Variants in ANK1 observed in about 807,000 individuals in gnomAD.
The protein encoded by ANK1 is ankyrin-1.
A neutral mutation model predicts 210.4 loss-of-function variants in ANK1; 51 were observed. The observed-to-expected ratio is 0.24, with a 90% confidence interval of 0.19 to 0.31. The LOEUF is 0.31. ANK1 is among the 10% of genes least tolerant of loss of function. The probability of loss-of-function intolerance (pLI) is 1.00; values close to 1 mark genes in which losing one functional copy is unlikely to be tolerated. For missense variants in ANK1, 2,051 were observed against 2,504.4 expected (o/e 0.82, Z 3.86); for synonymous variants, 967 against 1,025.9 (o/e 0.94, Z 1.10).
At position 41,704,535 on chromosome 8, in the gene ANK1, TC is replaced by T; in HGVS notation, c.2098-64del. 1 of 1,415,490 alleles carries T rather than the reference TC, an allele frequency of 7.1e-7. No homozygotes were observed. Among genetic ancestry groups the T allele is most frequent in the Non-Finnish European group, 1.0e-6 (1 of 1,000,248 alleles). 87.7% of individuals were successfully genotyped at this position (1,415,490 alleles called of 1,614,324 possible). A position where few individuals can be genotyped will look rare whatever the true frequency, so the allele number is the denominator to read the frequency against. ...TGAGCTGGGCATCACATGAAATCCTTCCCAAAGCAGCTGATTCAAAGAGAGA... is the reference window on the plus strand; with the variant it reads ...TGAGCTGGGCATCACATGAAATCCTTCCAAAGCAGCTGATTCAAAGAGAGA... On this transcript the variant is annotated intron_variant, in intron 18 of 42. Coordinates refer to ENST00000289734, the MANE Select transcript of ANK1 (RefSeq NM_000037.4). The surrounding 1 kb of genome is among the most constrained non-coding windows in gnomAD (Gnocchi z 4.1).
At position 41,661,908 on chromosome 8, in the gene ANK1, A is replaced by G. The variant is rs775178424; in HGVS notation, c.5512T>C (p.Ser1838Pro). The stretch of plus-strand genomic sequence containing the variant: ...TGCTCCTGGGCGGCATCGGCGCTGG[A>G]CAAGTCTATCTGTCGAACCACCTTG... ...IRKVVRQIDLSSADAAQEHEE... is the reference protein window; with the variant it reads ...IRKVVRQIDLPSADAAQEHEE... The change falls in exon 41 of 43, where the codon TCC becomes CCC. Residue 1838 changes from serine to proline, a missense_variant. Around this residue, in one of 6 missense-constraint regions of ANK1, gnomAD observed 496 missense variants for 533.4 expected, o/e 0.93. Transcript: ENST00000289734. The G allele has an allele frequency of 2.5e-5, 40 of 1,613,918 alleles. 1 individual carries two copies. Among genetic ancestry groups the G allele is most frequent in the Non-Finnish European group, 2.5e-5 (29 of 1,180,004 alleles).
chr8:41,686,144 G>A lies in ANK1; in HGVS notation c.4390+8C>T. 6.2e-7 allele frequency: 1 copy of A among 1,614,212 alleles called. No individual in the cohort carries two copies. The highest frequency in any genetic ancestry group is 1.3e-5 in the African/African-American group (1 of 75,056). ...TAGGACAGGCTTCCTCAGTGGGACGGTACTGACTGTTTGCGTTTTGGCCTT... is the reference window on the plus strand; with the variant it reads ...TAGGACAGGCTTCCTCAGTGGGACGATACTGACTGTTTGCGTTTTGGCCTT... On this transcript the variant is annotated splice_region_variant and intron_variant, in intron 36 of 42. Transcript: ENST00000289734.
chr8:41,817,844 G>C (rs764304559), intron 1 of ANK1, among the ~76,000 whole-genome samples: 18 of 152,310 alleles, frequency 1.2e-4, no homozygotes, highest in Middle Eastern at 3.4e-3. Context: ...TCTCCAAAGA[G>C]AGACAAAAAA....
In ANK1 at chr8:41,668,316, T is replaced by C. The variant is rs764226402; in HGVS notation, c.5345A>G (p.Gln1782Arg). 2 of 1,614,204 alleles carry C rather than the reference T, an allele frequency of 1.2e-6. No individual in the cohort carries two copies. Among genetic ancestry groups the C allele is most frequent in the South Asian group, 2.2e-5 (2 of 91,080 alleles). Residue 1782 changes from glutamine to arginine, a missense_variant, in exon 39 of 43, where the codon CAA becomes CGA. Physicochemically the swap from Gln to Arg is conservative, Grantham distance 43. Coordinates refer to ENST00000289734, the MANE Select transcript of ANK1 (RefSeq NM_000037.4). ...QADRDRRQQG[Q>R]EEQVQEAKNT... Reference sequence around the variant, plus strand: ...CTTGGCCTCCTGCACCTGCTCTTCTTGGCCTTGCTGCCTCCGGTCCCTGTC... The same window carrying C: ...CTTGGCCTCCTGCACCTGCTCTTCTCGGCCTTGCTGCCTCCGGTCCCTGTC...
chr8:41,708,490 G>A (rs548011773), intron 17 of ANK1, among the ~76,000 whole-genome samples: 2 of 152,298 alleles, frequency 1.3e-5, no homozygotes, highest in South Asian at 2.1e-4. Context: ...AGTTTATTAT[G>A]GATTTTAATA....
At chr8:41,862,201 C>CTA (rs1362438122) in intron 1 of ANK1, among the ~76,000 whole-genome samples, 1 of 152,216 alleles carries the variant, frequency 6.6e-6, no homozygotes, top group East Asian at 1.9e-4. Context: ...CATGAACTGC[C>CTA]TAGTCCAGGG....
At chr8:41,824,273 G>A (rs1804973829) in intron 1 of ANK1, among the ~76,000 whole-genome samples, 1 of 152,032 alleles carries the variant, frequency 6.6e-6, no homozygotes, top group South Asian at 2.1e-4. Flanking sequence ...CCCTTTTTCA[G>A]TATTTTTAAA....
chr8:41,884,237 A>AC (rs1475514021), intron 1 of ANK1, among the ~76,000 whole-genome samples: 2 of 152,188 alleles, frequency 1.3e-5, no homozygotes, highest in African/African-American at 4.8e-5. Context: ...AATCCCAGCT[A>AC]CTTGGGAGGA....
rs764038924 is a variant in ANK1 at position 41,684,668 on chromosome 8, C to T, written c.4413G>A (p.Leu1471=). The T allele has an allele frequency of 8.7e-6, 14 of 1,613,756 alleles. No homozygotes were observed. The Admixed American group carries it at 1.7e-4, about 19-fold the overall frequency. Residue 1471 remains leucine, a synonymous_variant, in exon 37 of 43, where the codon CTG becomes CTA. Transcript: ENST00000289734. ...NANMENLYTA[L]QSIDRGEIVN... is the part of the protein sequence containing the mutation. ...CGATCTCGCCACGGTCAATGCTCTGCAGGGCTGTGTACAGATTCTCCACTG... is the reference window on the plus strand; with the variant it reads ...CGATCTCGCCACGGTCAATGCTCTGTAGGGCTGTGTACAGATTCTCCACTG...
intron 1 of ANK1, among the ~76,000 whole-genome samples, chr8:41,859,003 A>G (rs7823955): frequency 0.58 from 88,971 of 152,096 alleles, 28,033 homozygotes; most frequent in East Asian, 0.83. Context: ...GCCTCCCAGG[A>G]CTATTAGTTG....
rs1389775633 is a variant in ANK1, at chr8:41,704,134, T to C, written c.2202A>G (p.Gly734=). Residue 734 remains glycine (G), a synonymous_variant, in exon 20 of 43, where the codon GGA becomes GGG. Coordinates refer to ENST00000289734, the MANE Select transcript of ANK1 (RefSeq NM_000037.4). The surrounding 1 kb of genome is among the most constrained non-coding windows in gnomAD (Gnocchi z 4.1). The part of the protein sequence containing the change: ...QADVNAKTKL[G]YSPLHQAAQQ... ...GGGCTGCCTGGTGCAGGGGGCTGTA[T>C]CCTAGCTGCAAAGTGAGCAGACATT... 1.2e-6 allele frequency: 2 copies of C among 1,613,798 alleles called. No individual in the cohort carries two copies. Among genetic ancestry groups the C allele is most frequent in the African/African-American group, 1.3e-5 (1 of 74,904 alleles).
Position 41,704,516 on chromosome 8 carries a change from G to T in ANK1, c.2098-44C>A, listed in dbSNP as rs779744073. On this transcript the variant is annotated intron_variant, in intron 18 of 42. Coordinates refer to ENST00000289734, the MANE Select transcript of ANK1 (RefSeq NM_000037.4). The surrounding 1 kb of genome is among the most constrained non-coding windows in gnomAD (Gnocchi z 4.1). ...GGAGTGACCGGAGCTGTCCTGAGCT[G>T]GGCATCACATGAAATCCTTCCCAAA... 6.5e-6 allele frequency: 10 copies of T among 1,529,556 alleles called. No homozygotes were observed. Among genetic ancestry groups the T allele is most frequent in the Non-Finnish European group, 9.1e-6 (10 of 1,103,342 alleles). 94.7% of individuals were successfully genotyped at this position (1,529,556 alleles called of 1,614,324 possible). A position where few individuals can be genotyped will look rare whatever the true frequency, so the allele number is the denominator to read the frequency against.
intron 1 of ANK1, among the ~76,000 whole-genome samples, chr8:41,889,047 C>T (rs1185131833): frequency 6.6e-6 from 1 of 152,192 alleles, no homozygotes; most frequent in Non-Finnish European, 1.5e-5. Context: ...CACCATGTTG[C>T]CCAGGTTGGT....
intron 36 of ANK1, 26 bp from the exon 37 acceptor site, chr8:41,684,716 G>T: frequency 6.2e-7 from 1 of 1,610,872 alleles, no homozygotes; most frequent in Non-Finnish European, 8.5e-7. Context: ...AGAGATGCAC[G>T]TTACTCCAGG....
upstream of ANK1, among the ~76,000 whole-genome samples, chr8:41,800,593 C>G (rs1295128811): frequency 6.6e-6 from 1 of 152,164 alleles, no homozygotes. Context: ...GTTCCAATGC[C>G]CCAGTCTTTC....
intron 1 of ANK1, among the ~76,000 whole-genome samples, chr8:41,802,977 A>AAAAG (rs1233063661): frequency 8.8e-5 from 9 of 101,982 alleles, no homozygotes; most frequent in Non-Finnish European, 2.0e-4. Flanking sequence ...GAGAGATGAA[A>AAAAG]AAAGAAAGAG....
At chr8:41,805,277 C>G (rs1478620764) in intron 1 of ANK1, among the ~76,000 whole-genome samples, 1 of 151,710 alleles carries the variant, frequency 6.6e-6, no homozygotes, top group Non-Finnish European at 1.5e-5. Context: ...GATTCTTGCT[C>G]TGTCACCCAG....
intron 1 of ANK1, among the ~76,000 whole-genome samples, chr8:41,808,408 T>C (rs976454540): frequency 1.3e-5 from 2 of 152,172 alleles, no homozygotes; most frequent in Non-Finnish European, 2.9e-5. Context: ...CTCAAGCCTG[T>C]AATCCCAGCA....
intron 5 of ANK1, 90 bp downstream of exon 5, chr8:41,727,160 C>T: frequency 1.0e-6 from 1 of 999,688 alleles, no homozygotes; most frequent in Non-Finnish European, 1.6e-6. Context: ...TGGATGCACC[C>T]CAAGCCACAT....
Sources: allele counts gnomAD v4.1 joint callset (sites outside exome capture counted in the v4.1 genomes callset), GRCh38; gene constraint gnomAD v4.1.1; regional missense constraint gnomAD v4.1.1; non-coding constraint Gnocchi (gnomAD v3.1); transcripts MANE v1.5; gene names NCBI Gene and HGNC (gene_info 2026-07-23, HGNC 2026-07-21).